The following CORO1C variants were observed in gnomAD, a reference collection of about 807,000 sequenced individuals.
The protein encoded by CORO1C is coronin 1C.
A neutral mutation model predicts 51.2 loss-of-function variants in CORO1C; 14 were observed. The ratio of observed to expected loss-of-function variants is 0.27; its 90% CI spans 0.18 to 0.43. The LOEUF (loss-of-function observed/expected upper bound fraction) is 0.43. Ranked by LOEUF, CORO1C falls within the 20% of genes least tolerant of loss-of-function variation. The probability of loss-of-function intolerance (pLI) is 1.00; values close to 1 mark genes in which losing one functional copy is unlikely to be tolerated. For synonymous variants in CORO1C, 181 were observed against 210.5 expected, an observed-to-expected ratio of 0.86 and a Z score of 1.21; for missense variants, 417 against 607.8, an observed-to-expected ratio of 0.69 and a Z score of 3.30.
intron 2 of CORO1C, among the ~76,000 whole-genome samples, chr12:108,690,001 CA>C (rs1182913992): frequency 1.3e-5 from 2 of 152,068 alleles, no homozygotes; most frequent in Admixed American, 6.5e-5. Flanking sequence ...CCATTTTTTT[CA>C]ACTTCCTTTT....
rs754972843 is a variant in CORO1C, at chr12:108,648,585, T to C, written c.1305+20A>G. 1 of 1,613,920 alleles carries C rather than the reference T, an allele frequency of 6.2e-7. No individual in the cohort carries two copies. Among genetic ancestry groups the C allele is most frequent in the South Asian group, 1.1e-5 (1 of 91,072 alleles). On this transcript the variant is annotated intron_variant, in intron 10 of 10. Transcript: ENST00000261401. ...AAAGCCTGAACCAGCCAAGCACCCC[T>C]GCACTCCACTGGTCCTCACCACACT...
chr12:108,649,205 G>GCTGAGAGTCACTATGCTAGGAA, intron 8 of CORO1C, 185 bp from the exon 9 acceptor site: 1 of 652,074 alleles, frequency 1.5e-6, no homozygotes, highest in Non-Finnish European at 2.6e-6. Flanking sequence ...GAGAACGGAA[G>GCTGAGAGTCACTATGCTAGGAA]CTGAGAGTCA....
intron 3 of CORO1C, among the ~76,000 whole-genome samples, chr12:108,676,544 G>A (rs941909909): frequency 6.6e-6 from 1 of 152,002 alleles, no homozygotes; most frequent in African/African-American, 2.4e-5. Context: ...GGCTGAGGCG[G>A]GGGGATCACT....
At chr12:108,679,593 G>T (rs370367624) in intron 2 of CORO1C, among the ~76,000 whole-genome samples, 1 of 152,180 alleles carries the variant, frequency 6.6e-6, no homozygotes, top group Non-Finnish European at 1.5e-5. Context: ...TCTATTTTTT[G>T]TTGTTTTTGC....
intron 3 of CORO1C, among the ~76,000 whole-genome samples, chr12:108,670,035 G>A (rs916589998): frequency 2.0e-5 from 3 of 152,124 alleles, no homozygotes; most frequent in African/African-American, 7.2e-5. Context: ...GAGGATTCTG[G>A]GAAGATGAGA....
chr12:108,666,390 G>A (rs2033477364), intron 3 of CORO1C, among the ~76,000 whole-genome samples: 1 of 152,210 alleles, frequency 6.6e-6, no homozygotes, highest in Non-Finnish European at 1.5e-5. Flanking sequence ...CTGGTAAAGA[G>A]GGGGTGGTGT....
At chr12:108,699,142 T>C (rs2034784981) in intron 2 of CORO1C, among the ~76,000 whole-genome samples, 1 of 152,224 alleles carries the variant, frequency 6.6e-6, no homozygotes, top group African/African-American at 2.4e-5. Context: ...ACTTATTCTA[T>C]CCTAGTTCCC....
At chr12:108,706,487 A>G (rs532939411) in intron 1 of CORO1C, among the ~76,000 whole-genome samples, 2 of 152,322 alleles carry the variant, frequency 1.3e-5, no homozygotes, top group African/African-American at 4.8e-5. Context: ...AAGAAGTAAA[A>G]CTATTTCTGT....
chr12:108,659,028 G>A (rs1409046478), intron 4 of CORO1C, 109 bp from the exon 5 acceptor site: 12 of 1,078,498 alleles, frequency 1.1e-5, no homozygotes, highest in Non-Finnish European at 1.3e-5. Flanking sequence ...CAGAGAGAGA[G>A]AGAGAGAAAG....
chr12:108,651,507 G>A lies in CORO1C; in HGVS notation c.1001+765C>T, dbSNP rs1055870154. On this transcript the variant is annotated intron_variant, in intron 8 of 10. Transcript: ENST00000261401. ...CAAGCTAACCTACCGCCCCATTATA[G>A]GACCTTTGGTTTCTCTATTTTAGGA... Among the ~76,000 whole-genome samples, 84 of 152,230 alleles carry A rather than the reference G, an allele frequency of 5.5e-4. 1 individual carries two copies. Among genetic ancestry groups the A allele is most frequent in the Middle Eastern group, 3.4e-3 (1 of 294 alleles).
At chr12:108,652,456 A>G in intron 7 of CORO1C, 39 bp from the exon 8 acceptor site, 1 of 1,575,670 alleles carries the variant, frequency 6.3e-7, no homozygotes, top group Admixed American at 1.7e-5. Flanking sequence ...CTGATTGTTA[A>G]CTGAAACATC....
intron 3 of CORO1C, among the ~76,000 whole-genome samples, chr12:108,674,779 TGAG>T (rs1275576361): frequency 6.6e-6 from 1 of 152,176 alleles, no homozygotes; most frequent in Non-Finnish European, 1.5e-5. Context: ...CTTGAACAGA[TGAG>T]GAGTTGTTCC....
chr12:108,654,255 A>G, intron 7 of CORO1C, 51 bp downstream of exon 7: 1 of 1,162,960 alleles, frequency 8.6e-7, no homozygotes, highest in Middle Eastern at 1.9e-4. Context: ...TCTGAAGGAT[A>G]AATGTTTCCA....
chr12:108,701,101 G>C, intron 2 of CORO1C, 23 bp downstream of exon 2: 2 of 1,609,566 alleles, frequency 1.2e-6, no homozygotes, highest in Non-Finnish European at 1.7e-6. Context: ...GTGTCTACCA[G>C]AATGGAAGAT....
rs765274212 is a variant in CORO1C at position 108,701,192 on chromosome 12, G to C, written c.127C>G (p.Pro43Ala). Residue 43 changes from proline (P) to alanine (A), a missense_variant, in exon 2 of 11, where the codon CCC (proline) becomes GCC (alanine). Coordinates refer to ENST00000261401, the MANE Select transcript of CORO1C (RefSeq NM_014325.4). ...TWDSSFCAVNPRFVAIIIEAS... is the reference protein window; with the variant it reads ...TWDSSFCAVNARFVAIIIEAS... The stretch of plus-strand genomic sequence containing the variant: ...TCTATGATTATGGCAACAAATCTGG[G>C]ATTGACAGCACAAAAGGAACTATCC... 6.2e-7 allele frequency: 1 copy of C among 1,614,144 alleles called. No individual in the cohort carries two copies. The highest frequency in any genetic ancestry group is 8.5e-7 in the Non-Finnish European group (1 of 1,180,026).
At chr12:108,648,566 T>C (rs761596232) in intron 10 of CORO1C, 39 bp downstream of exon 10, 1 of 1,612,454 alleles carries the variant, frequency 6.2e-7, no homozygotes, top group South Asian at 1.1e-5. Flanking sequence ...GGATAAAGCC[T>C]GAACCAGCCA....
At chr12:108,713,381 GA>G (rs1433308182) in intron 1 of CORO1C, among the ~76,000 whole-genome samples, 1 of 152,094 alleles carries the variant, frequency 6.6e-6, no homozygotes, top group African/African-American at 2.4e-5. Flanking sequence ...AAAATTAAGG[GA>G]AAAAAATTCA....
intron 1 of CORO1C, among the ~76,000 whole-genome samples, chr12:108,706,292 A>G (rs1469611040): frequency 6.6e-6 from 1 of 152,144 alleles, no homozygotes; most frequent in East Asian, 1.9e-4. Context: ...CCTCAACCTG[A>G]TAATGGGCAT....
Position 108,712,703 on chromosome 12 carries a change from C to T in CORO1C, c.-5-11380G>A, listed in dbSNP as rs556042284. Among the ~76,000 whole-genome samples, 8 of 151,632 alleles carry T rather than the reference C, an allele frequency of 5.3e-5. No individual in the cohort carries two copies. The East Asian group carries it at 7.7e-4, about 15-fold the overall frequency. On this transcript the variant is annotated intron_variant, in intron 1 of 10. Transcript: ENST00000261401. ...CTCTGATTAAATATAAAAATTTGGCCGGGCACGTTGGCTCACGCCTGCAAT... is the reference window on the plus strand; with the variant it reads ...CTCTGATTAAATATAAAAATTTGGCTGGGCACGTTGGCTCACGCCTGCAAT...
Sources: allele counts gnomAD v4.1 joint callset (sites outside exome capture counted in the v4.1 genomes callset), GRCh38; gene constraint gnomAD v4.1.1; transcripts MANE v1.5; gene names NCBI Gene and HGNC (gene_info 2026-07-23, HGNC 2026-07-21).